ANGPTL4: variants seen among roughly 807,000 people sequenced by gnomAD.
The protein encoded by ANGPTL4 is angiopoietin-related protein 4.
Under a neutral mutation model 39.2 loss-of-function variants are expected in ANGPTL4, and 39 were observed. The ratio of observed to expected loss-of-function variants is 1.00; its 90% CI spans 0.77 to 1.30. The LOEUF (loss-of-function observed/expected upper bound fraction) is 1.30, where lower values mean the gene tolerates loss of function less well. Among genes scored for constraint, ANGPTL4 ranks in the 50% most tolerant of loss-of-function variants. The pLI, the probability that ANGPTL4 is intolerant of heterozygous loss-of-function variation, is 0.00. For missense variants in ANGPTL4, 545 were observed against 549.8 expected (o/e 0.99, Z 0.09); for synonymous variants, 233 against 229.5 (o/e 1.02, Z -0.14).
chr19:8,364,240 C>A lies in ANGPTL4; in HGVS notation c.-82C>A. On this transcript the variant is annotated 5_prime_UTR_variant, in exon 1 of 7. Coordinates refer to ENST00000301455, the MANE Select transcript of ANGPTL4 (RefSeq NM_139314.3). Reference sequence around the variant, plus strand: ...CAACCAAGCGGGTCTTACCCCCGGTCCTCCGCGTCTCCAGTCCTCGCACCT... The same window carrying A: ...CAACCAAGCGGGTCTTACCCCCGGTACTCCGCGTCTCCAGTCCTCGCACCT... 1 of 1,409,124 alleles carries A rather than the reference C, an allele frequency of 7.1e-7. No homozygotes were observed. Among genetic ancestry groups the A allele is most frequent in the Non-Finnish European group, 9.5e-7 (1 of 1,049,632 alleles). The allele number at this position is 1,409,124 out of a possible 1,614,324, so 87.3% of individuals were successfully genotyped here. A position where few individuals can be genotyped will look rare whatever the true frequency, so the allele number is the denominator to read the frequency against.
Position 8,364,340 on chromosome 19 carries a change from G to T in ANGPTL4, c.19G>T (p.Ala7Ser). MSGAPT[A>S]GAALMLCAAT... ...TAAGAGGATGAGCGGTGCTCCGACGGCCGGGGCAGCCCTGATGCTCTGCGC... is the reference window on the plus strand; with the variant it reads ...TAAGAGGATGAGCGGTGCTCCGACGTCCGGGGCAGCCCTGATGCTCTGCGC... Residue 7 changes from alanine to serine, a missense_variant, in exon 1 of 7, where the codon GCC (alanine) becomes TCC (serine). By Grantham distance (99) the Ala-to-Ser change is moderately conservative. Coordinates refer to ENST00000301455, the MANE Select transcript of ANGPTL4 (RefSeq NM_139314.3). The T allele has an allele frequency of 6.5e-7, 1 of 1,546,066 alleles. No individual in the cohort carries two copies. The highest frequency in any genetic ancestry group is 1.2e-5 in the South Asian group (1 of 84,664).
At chr19:8,372,139 CT>C (rs1430631882) in intron 6 of ANGPTL4, among the ~76,000 whole-genome samples, 1 of 151,996 alleles carries the variant, frequency 6.6e-6, no homozygotes, top group Non-Finnish European at 1.5e-5. Context: ...TCACTGCAGC[CT>C]CCGCCTCCTG....
At position 8,373,703 on chromosome 19, in the gene ANGPTL4, A is replaced by G. The variant is rs112739024; in HGVS notation, c.1040-2A>G. 1 of 1,613,836 alleles carries G rather than the reference A, an allele frequency of 6.2e-7. No individual in the cohort carries two copies. Among genetic ancestry groups the G allele is most frequent in the Non-Finnish European group, 8.5e-7 (1 of 1,180,006 alleles). On this transcript the variant is annotated splice_acceptor_variant, in intron 6 of 6. Transcript: ENST00000301455. LOFTEE classifies it high-confidence loss of function. ...ATGTTCCCTCTCCCCTGACCCCGGCAGGAGGCTGGTGGTTTGGCACCTGCA... is the reference window on the plus strand; with the variant it reads ...ATGTTCCCTCTCCCCTGACCCCGGCGGGAGGCTGGTGGTTTGGCACCTGCA...
chr19:8,366,387 C>G, intron 3 of ANGPTL4, 68 bp downstream of exon 3: 1 of 1,521,398 alleles, frequency 6.6e-7, no homozygotes, highest in Middle Eastern at 1.9e-4. Flanking sequence ...TGCTGGTCCT[C>G]TCCTTGTCAG....
intron 4 of ANGPTL4, among the ~76,000 whole-genome samples, chr19:8,370,225 G>GAAAAT (rs768645905): frequency 1.1e-4 from 16 of 151,006 alleles, no homozygotes; most frequent in East Asian, 7.8e-4. Flanking sequence ...ATAAAAAAGA[G>GAAAAT]AAAATAAAAT....
chr19:8,368,124 T>G (rs1971043910), intron 3 of ANGPTL4, among the ~76,000 whole-genome samples: 1 of 151,656 alleles, frequency 6.6e-6, no homozygotes, highest in Non-Finnish European at 1.5e-5. Context: ...GTTCAAGTGA[T>G]TCTCCTGCCT....
intron 4 of ANGPTL4, among the ~76,000 whole-genome samples, chr19:8,370,700 T>TTA (rs1454581920): frequency 1.3e-4 from 13 of 99,252 alleles, no homozygotes; most frequent in South Asian, 3.6e-4. Flanking sequence ...ACTCCATCTC[T>TTA]AAAAAAAAAA....
rs756775279 is a variant in ANGPTL4 at position 8,365,979 on chromosome 19, G to A, written c.344G>A (p.Arg115Lys). Reference sequence around the variant, plus strand: ...ACACAACTCAAGGCTCAGAACAGCAGGATCCAGCAACTCTTCCACAAGGTG... The same window carrying A: ...ACACAACTCAAGGCTCAGAACAGCAAGATCCAGCAACTCTTCCACAAGGTG... ...LQTQLKAQNS[R>K]IQQLFHKVAQ... The change falls in exon 2 of 7, where the codon AGG (arginine) becomes AAG (lysine). Residue 115 changes from arginine to lysine, a missense_variant. Transcript: ENST00000301455. 1.3e-5 allele frequency: 21 copies of A among 1,614,016 alleles called. No homozygotes were observed. Among genetic ancestry groups the A allele is most frequent in the Middle Eastern group, 1.6e-4 (1 of 6,082 alleles).
intron 3 of ANGPTL4, among the ~76,000 whole-genome samples, chr19:8,368,024 C>T (rs866370889): frequency 1.1e-4 from 14 of 129,178 alleles, no homozygotes; most frequent in African/African-American, 1.5e-4. Context: ...TTTATCAAGT[C>T]TTTTTTTTTT....
intron 6 of ANGPTL4, among the ~76,000 whole-genome samples, chr19:8,372,789 G>A (rs1251211127): frequency 6.6e-6 from 1 of 151,054 alleles, no homozygotes; most frequent in East Asian, 2.0e-4. Context: ...TGAGACCCCT[G>A]CCTCAAAAGA....
At chr19:8,369,580 A>G (rs1971075282) in intron 4 of ANGPTL4, among the ~76,000 whole-genome samples, 1 of 148,384 alleles carries the variant, frequency 6.7e-6, no homozygotes, top group Non-Finnish European at 1.5e-5. Context: ...CAGCCTCCCC[A>G]GTAGCTGAGA....
chr19:8,369,456 T>A, intron 4 of ANGPTL4, 124 bp downstream of exon 4: 27 of 12,126 alleles, frequency 2.2e-3, no homozygotes, highest in Non-Finnish European at 6.4e-3. Flanking sequence ...CAAGCTGGTC[T>A]TTTTTTTTTT....
chr19:8,366,247 C>T lies in ANGPTL4; in HGVS notation c.475C>T (p.Pro159Ser), dbSNP rs547981454. The T allele has an allele frequency of 6.2e-7, 1 of 1,614,104 alleles. No individual in the cohort carries two copies. Among genetic ancestry groups the T allele is most frequent in the South Asian group, 1.1e-5 (1 of 91,078 alleles). The change falls in exon 3 of 7, where the codon CCT (proline) becomes TCT (serine). Residue 159 changes from proline to serine, a missense_variant. By Grantham distance (74) the Pro-to-Ser change is moderately conservative (BLOSUM62 -1). Transcript: ENST00000301455. ...GCACCTAGACCATGAGGTGGCCAAG[C>T]CTGCCCGAAGAAAGAGGCTGCCCGA... ...HKHLDHEVAK[P>S]ARRKRLPEMA...
rs1970946822 is a variant in ANGPTL4 at position 8,364,253 on chromosome 19, A to G, written c.-69A>G. 26 of 1,470,458 alleles carry G rather than the reference A, an allele frequency of 1.8e-5. No homozygotes were observed. The South Asian group carries it at 3.0e-4, about 17-fold the overall frequency. 91.1% of individuals were successfully genotyped at this position (1,470,458 alleles called of 1,614,324 possible). On this transcript the variant is annotated 5_prime_UTR_variant, in exon 1 of 7. Transcript: ENST00000301455. ...CTTACCCCCGGTCCTCCGCGTCTCC[A>G]GTCCTCGCACCTGGAACCCCAACGT... is the stretch of plus-strand genomic sequence containing the variant.
chr19:8,369,585 C>G (rs1489774008), intron 4 of ANGPTL4, among the ~76,000 whole-genome samples: 1 of 151,268 alleles, frequency 6.6e-6, no homozygotes, highest in Non-Finnish European at 1.5e-5. Flanking sequence ...TCCCCAGTAG[C>G]TGAGACTACA....
chr19:8,368,708 A>C (rs922152726), intron 3 of ANGPTL4, among the ~76,000 whole-genome samples: 15 of 152,122 alleles, frequency 9.9e-5, no homozygotes, highest in African/African-American at 3.6e-4. Flanking sequence ...TAATGCAAAA[A>C]CTAGTCGGGC....
chr19:8,366,060 G>C lies in ANGPTL4; in HGVS notation c.425G>C (p.Ser142Thr), dbSNP rs1379726027. 3.7e-6 allele frequency: 6 copies of C among 1,614,118 alleles called. No individual in the cohort carries two copies. Among genetic ancestry groups the C allele is most frequent in the South Asian group, 1.1e-5 (1 of 91,078 alleles). The stretch of plus-strand genomic sequence containing the variant: ...CACCTGCGAATTCAGCATCTGCAAA[G>C]CCAGGTAACCCTAGGATCAAGGGAG... ...KQHLRIQHLQ[S>T]QFGLLDHKHL... The change falls in exon 2 of 7, where the codon AGC becomes ACC. Residue 142 changes from serine (S) to threonine (T), a missense_variant. By Grantham distance (58) the Ser-to-Thr change is moderately conservative. Coordinates refer to ENST00000301455, the MANE Select transcript of ANGPTL4 (RefSeq NM_139314.3).
rs8103829 is a variant in ANGPTL4, at chr19:8,370,718, A to G, written c.662-338A>G. ...CCATCTCTAAAAAAAAAAAAAAAAAAAAAGAAAGCTTTTTTTTCCACTGAG... is the reference window on the plus strand; with the variant it reads ...CCATCTCTAAAAAAAAAAAAAAAAAGAAAGAAAGCTTTTTTTTCCACTGAG... On this transcript the variant is annotated intron_variant, in intron 4 of 6. Transcript: ENST00000301455. Among the ~76,000 whole-genome samples, 187 of 150,240 alleles carry G rather than the reference A, an allele frequency of 1.2e-3. 8 individuals carry two copies. The South Asian group carries it at 0.036, about 29-fold the overall frequency.
At chr19:8,365,139 A>C (rs1970975710) in intron 1 of ANGPTL4, among the ~76,000 whole-genome samples, 1 of 151,296 alleles carries the variant, frequency 6.6e-6, no homozygotes, top group Non-Finnish European at 1.5e-5. Context: ...ACTGCACTCC[A>C]GCCTGGGCAA....
Sources: allele counts gnomAD v4.1 joint callset (sites outside exome capture counted in the v4.1 genomes callset), GRCh38; gene constraint gnomAD v4.1.1; transcripts MANE v1.5; gene names NCBI Gene and HGNC (gene_info 2026-07-23, HGNC 2026-07-21).